Variants in ZNF529 observed in about 807,000 individuals in gnomAD.
The protein encoded by ZNF529 is zinc finger protein 529.
Under a neutral mutation model 10.1 loss-of-function variants are expected in ZNF529, and 11 were observed. The ratio of observed to expected loss-of-function variants is 1.09; its 90% confidence interval spans 0.69 to 1.81. The LOEUF (loss-of-function observed/expected upper bound fraction) is 1.81, where lower values mean the gene tolerates loss of function less well. Among genes scored for constraint, ZNF529 ranks in the 40% most tolerant of loss-of-function variants. The pLI is 0.00. For synonymous variants in ZNF529, 204 were observed against 215.7 expected (o/e 0.95, Z 0.47); for missense variants, 624 against 666.8 (o/e 0.94, Z 0.71).
intron 1 of ZNF529, among the ~76,000 whole-genome samples, chr19:36,591,124 C>A (rs1030844286): frequency 1.3e-5 from 2 of 150,664 alleles, no homozygotes; most frequent in African/African-American, 4.9e-5. Context: ...CATGGTGAAA[C>A]CCCATCTCTA....
intron 2 of ZNF529, among the ~76,000 whole-genome samples, chr19:36,583,747 A>C (rs2036520965): frequency 6.6e-6 from 1 of 152,156 alleles, no homozygotes; most frequent in South Asian, 2.1e-4. Context: ...AACCAGAGAA[A>C]ATTTCTAGAA....
intron 2 of ZNF529, among the ~76,000 whole-genome samples, chr19:36,571,675 CA>C (rs5827961): frequency 0.36 from 48,838 of 134,666 alleles, 8,535 homozygotes; most frequent in African/African-American, 0.5. Context: ...AACTCTGTCT[CA>C]AAAAAAAAAA....
intron 1 of ZNF529, among the ~76,000 whole-genome samples, chr19:36,590,653 G>C (rs978891047): frequency 1.3e-5 from 2 of 152,258 alleles, no homozygotes; most frequent in East Asian, 1.9e-4. Flanking sequence ...ACCTTGGGTG[G>C]GCATGACGGC....
chr19:36,577,094 A>G (rs2036340678), upstream of ZNF529: 3 of 429,688 alleles, frequency 7.0e-6, no homozygotes, highest in Non-Finnish European at 1.4e-5. Context: ...CTGGGACCAC[A>G]GGCACCCACT....
chr19:36,583,007 C>T (rs1036430742), intron 2 of ZNF529, among the ~76,000 whole-genome samples: 1 of 152,066 alleles, frequency 6.6e-6, no homozygotes, highest in East Asian at 1.9e-4. Context: ...CACAGCTTCT[C>T]AAAACTCTTG....
chr19:36,577,193 C>T, upstream of ZNF529: 1 of 453,410 alleles, frequency 2.2e-6, no homozygotes. Flanking sequence ...CTCCTGAGCT[C>T]AAGCAACCGG....
intron 2 of ZNF529, among the ~76,000 whole-genome samples, chr19:36,564,557 A>T (rs1206935613): frequency 6.6e-6 from 1 of 152,220 alleles, no homozygotes; most frequent in Non-Finnish European, 1.5e-5. Flanking sequence ...TAGCCATCTC[A>T]TATCAGTCAG....
chr19:36,572,350 T>A lies in ZNF529; in HGVS notation c.-4A>T. 1 of 1,549,532 alleles carries A rather than the reference T, an allele frequency of 6.5e-7. No individual in the cohort carries two copies. Among genetic ancestry groups the A allele is most frequent in the Non-Finnish European group, 8.7e-7 (1 of 1,146,622 alleles). ...AAACTAACCTTGAGTTGGCCATTAG[T>A]ACCAATGCTGTCTTCCACTTCAGGG... On this transcript the variant is annotated 5_prime_UTR_variant, in exon 2 of 5. Coordinates refer to ENST00000591340, the MANE Select transcript of ZNF529 (RefSeq NM_020951.5).
chr19:36,569,957 A>G (rs1306379568), intron 2 of ZNF529, among the ~76,000 whole-genome samples: 1 of 152,152 alleles, frequency 6.6e-6, no homozygotes, highest in Non-Finnish European at 1.5e-5. Context: ...TTTGTTAACA[A>G]TGTGGTTTAT....
intron 2 of ZNF529, among the ~76,000 whole-genome samples, chr19:36,565,187 C>A (rs2035850334): frequency 1.3e-5 from 2 of 152,112 alleles, no homozygotes; most frequent in African/African-American, 2.4e-5. Context: ...ATCTCAGCAT[C>A]ATGCAATATA....
rs546079791 is a variant in ZNF529 at position 36,556,192 on chromosome 19, A to T, written c.20T>A (p.Ile7Asn). The change falls in exon 3 of 5, where the codon ATT becomes AAT. Residue 7 changes from isoleucine (I) to asparagine (N), a missense_variant. By Grantham distance (149) the Ile-to-Asn change is moderately radical. Transcript: ENST00000591340. Reference protein sequence around the residue: MANSSFIGDHVHGAPHA... With the variant: MANSSFNGDHVHGAPHA... ...AGGAGCTCCATGGACATGATCCCCAATGAAACTGTAAAAATTATTTTTTAA... is the reference window on the plus strand; with the variant it reads ...AGGAGCTCCATGGACATGATCCCCATTGAAACTGTAAAAATTATTTTTTAA... 2.7e-6 allele frequency: 3 copies of T among 1,107,018 alleles called. No homozygotes were observed. The highest frequency in any genetic ancestry group is 4.0e-5 in the Admixed American group (2 of 50,428). The allele number at this position is 1,107,018 out of a possible 1,614,324, so 68.6% of individuals were successfully genotyped here. A position where few individuals can be genotyped will look rare whatever the true frequency, so the allele number is the denominator to read the frequency against.
At position 36,546,224 on chromosome 19, in the gene ZNF529, T is replaced by C. The variant is rs2035014429; in HGVS notation, c.*642A>G. On this transcript the variant is annotated 3_prime_UTR_variant, in exon 5 of 5. Transcript: ENST00000591340. The stretch of plus-strand genomic sequence containing the variant: ...ATATACACTATATGTGTATATACAC[T>C]ATATGTATATAGTGTGTGTGTGTGT... 1 of 112,378 alleles carries C rather than the reference T, an allele frequency of 8.9e-6. No homozygotes were observed. 7.0% of individuals were successfully genotyped at this position (112,378 alleles called of 1,614,324 possible).
intron 1 of ZNF529, among the ~76,000 whole-genome samples, chr19:36,597,971 A>T: frequency 6.6e-6 from 1 of 152,292 alleles, no homozygotes; most frequent in Middle Eastern, 3.4e-3. Flanking sequence ...GCAGGCTGCA[A>T]TCTGTTCACC....
chr19:36,547,135 C>T lies in ZNF529; in HGVS notation c.1423G>A (p.Glu475Lys). ...CATACCTTACATTCATAAGGTTTCT[C>T]ACCACTATGAATTCTTTGATGTTGA... ...LIQHQRIHSG[E>K]KPYECKVCGK... Residue 475 changes from glutamate to lysine, a missense_variant, in exon 5 of 5, where the codon GAG becomes AAG. Glu to Lys is a moderately conservative substitution (Grantham distance 56). Coordinates refer to ENST00000591340, the MANE Select transcript of ZNF529 (RefSeq NM_020951.5). 1 of 1,613,884 alleles carries T rather than the reference C, an allele frequency of 6.2e-7. No individual in the cohort carries two copies. The highest frequency in any genetic ancestry group is 8.5e-7 in the Non-Finnish European group (1 of 1,179,934).
rs899539736 is a variant in ZNF529, at chr19:36,545,204, G to C, written c.*1662C>G. ...CACTGCACTCCGGCCTGGTGACAGA[G>C]CAAGGCTCTATCTCAAAATAAATAA... On this transcript the variant is annotated 3_prime_UTR_variant, in exon 5 of 5. Transcript: ENST00000591340. The C allele has an allele frequency of 3.3e-5, 5 of 151,594 alleles. No homozygotes were observed. Among genetic ancestry groups the C allele is most frequent in the African/African-American group, 1.2e-4 (5 of 41,166 alleles). The allele number at this position is 151,594 out of a possible 1,614,324, so 9.4% of individuals were successfully genotyped here.
At chr19:36,604,304 G>A (rs2036981638) in intron 1 of ZNF529, among the ~76,000 whole-genome samples, 1 of 152,126 alleles carries the variant, frequency 6.6e-6, no homozygotes. Flanking sequence ...ACACGAGGCT[G>A]TGCATATCAG....
In ZNF529 at chr19:36,546,840, A is replaced by G; in HGVS notation, c.*26T>C. On this transcript the variant is annotated 3_prime_UTR_variant, in exon 5 of 5. Coordinates refer to ENST00000591340, the MANE Select transcript of ZNF529 (RefSeq NM_020951.5). ...CAGTATTTTCCTGTGAAAATCAGAA[A>G]TAAAAAACCACTTTATACATTTATT... 6.4e-7 allele frequency: 1 copy of G among 1,571,974 alleles called. No individual in the cohort carries two copies. Among genetic ancestry groups the G allele is most frequent in the Non-Finnish European group, 8.6e-7 (1 of 1,160,946 alleles).
Position 36,548,322 on chromosome 19 carries a change from T to A in ZNF529, c.236A>T (p.Asp79Val). 2 of 1,520,368 alleles carry A rather than the reference T, an allele frequency of 1.3e-6. No individual in the cohort carries two copies. Among genetic ancestry groups the A allele is most frequent in the Non-Finnish European group, 8.8e-7 (1 of 1,134,696 alleles). The allele number at this position is 1,520,368 out of a possible 1,614,324, so 94.2% of individuals were successfully genotyped here. A position where few individuals can be genotyped will look rare whatever the true frequency, so the allele number is the denominator to read the frequency against. Residue 79 changes from aspartate (D) to valine (V), a missense_variant and splice_region_variant, in exon 5 of 5, where the codon GAT becomes GTT. Asp to Val is a radical substitution (Grantham distance 152, BLOSUM62 -3). Coordinates refer to ENST00000591340, the MANE Select transcript of ZNF529 (RefSeq NM_020951.5). ...MENYSNLLSL[D>V]LESRNETKHL... The stretch of plus-strand genomic sequence containing the variant: ...CTTAGTCTCATTCCTGGACTCCAAA[T>A]CTGAAAGAAAGGAAAAAATAATTTT...
Position 36,572,355 on chromosome 19 carries a change from A to G in ZNF529, c.-9T>C, listed in dbSNP as rs1473379582. 4 of 1,551,414 alleles carry G rather than the reference A, an allele frequency of 2.6e-6. No individual in the cohort carries two copies. Among genetic ancestry groups the G allele is most frequent in the Non-Finnish European group, 3.5e-6 (4 of 1,146,922 alleles). On this transcript the variant is annotated 5_prime_UTR_variant, in exon 2 of 5. Coordinates refer to ENST00000591340, the MANE Select transcript of ZNF529 (RefSeq NM_020951.5). Reference sequence around the variant, plus strand: ...AACCTTGAGTTGGCCATTAGTACCAATGCTGTCTTCCACTTCAGGGGGCCT... The same window carrying G: ...AACCTTGAGTTGGCCATTAGTACCAGTGCTGTCTTCCACTTCAGGGGGCCT...
Sources: gnomAD v4.1 joint callset for allele counts (sites outside exome capture counted in the v4.1 genomes callset) on GRCh38, gnomAD v4.1.1 for gene constraint, MANE v1.5 for transcripts, NCBI Gene and HGNC (gene_info 2026-07-23, HGNC 2026-07-21) for gene names.